The following EYS variants were observed in gnomAD, a reference collection of about 807,000 sequenced individuals.
EYS encodes the protein EGF-like photoreceptor maintenance factor.
EYS carries 250 observed loss-of-function variants against 282.1 expected under a neutral mutation model. That is an observed-to-expected ratio of 0.89 (90% CI 0.80 to 0.98). The LOEUF (loss-of-function observed/expected upper bound fraction) is 0.98, where lower values mean the gene tolerates loss of function less well. EYS is among the 50% of genes least tolerant of loss of function. EYS has a pLI of 0.00. For synonymous variants in EYS, 1,355 were observed against 1,282.9 expected (o/e 1.06, Z -1.20); for missense variants, 4,016 against 3,709.0 (o/e 1.08, Z -2.15).
At chr6:65,257,762 A>G (rs1455061333) in intron 12 of EYS, among the ~76,000 whole-genome samples, 1 of 152,004 alleles carries the variant, frequency 6.6e-6, no homozygotes, top group Non-Finnish European at 1.5e-5. Context: ...CAAACTTCAC[A>G]TGTTCTCACT....
intron 33 of EYS, among the ~76,000 whole-genome samples, chr6:64,010,781 T>C (rs998664869): frequency 3.9e-5 from 6 of 152,098 alleles, no homozygotes; most frequent in Admixed American, 6.5e-5. Context: ...CGCTAAAAGG[T>C]ATTTGGTAGT....
chr6:64,000,413 G>C (rs973795359), intron 33 of EYS, among the ~76,000 whole-genome samples: 2 of 149,664 alleles, frequency 1.3e-5, no homozygotes, highest in South Asian at 2.1e-4. Context: ...GGATGGTCTC[G>C]ATCTCCTGAC....
intron 14 of EYS, among the ~76,000 whole-genome samples, chr6:64,948,424 T>G (rs1769366357): frequency 6.7e-6 from 1 of 148,358 alleles, no homozygotes; most frequent in African/African-American, 2.4e-5. Context: ...GTGGCCAGAA[T>G]AGTATTAAAT....
rs149145814 is a variant in EYS, at chr6:65,231,992, G to A, written c.2023+63871C>T. Among the ~76,000 whole-genome samples the A allele has an allele frequency of 5.3e-5, 8 of 152,024 alleles. No homozygotes were observed. The East Asian group carries it at 1.5e-3, about 29-fold the overall frequency. On this transcript the variant is annotated intron_variant, in intron 12 of 42. Coordinates refer to ENST00000503581, the MANE Select transcript of EYS (RefSeq NM_001142800.2). ...TAGGCAATGCCACTATTGTGTGCAA[G>A]ACCATATCTAAGTGTTTATATTTCT... is the stretch of plus-strand genomic sequence containing the variant.
At chr6:65,663,291 T>A (rs556743424) in intron 1 of EYS, among the ~76,000 whole-genome samples, 8 of 152,304 alleles carry the variant, frequency 5.3e-5, no homozygotes, top group African/African-American at 1.9e-4. Flanking sequence ...AGAAACCAAT[T>A]CTAAGAGTAT....
intron 28 of EYS, among the ~76,000 whole-genome samples, chr6:64,420,028 G>A (rs1282800894): frequency 6.6e-6 from 1 of 151,818 alleles, no homozygotes; most frequent in African/African-American, 2.4e-5. Context: ...GCAAACTTCT[G>A]CCTAGACATC....
chr6:65,162,176 G>C (rs1308349009), intron 12 of EYS, among the ~76,000 whole-genome samples: 2 of 151,154 alleles, frequency 1.3e-5, no homozygotes, highest in Admixed American at 1.3e-4. Flanking sequence ...ACAACACTTG[G>C]TCTTTAATCT....
chr6:63,738,930 C>T (rs559761495), intron 41 of EYS, among the ~76,000 whole-genome samples: 4 of 152,084 alleles, frequency 2.6e-5, no homozygotes, highest in Admixed American at 6.6e-5. Context: ...TTTTGGAGAT[C>T]GTTGCTACAT....
At chr6:64,583,275 T>G (rs949850935) in intron 26 of EYS, among the ~76,000 whole-genome samples, 101 of 152,124 alleles carry the variant, frequency 6.6e-4, no homozygotes, top group African/African-American at 2.3e-3. Flanking sequence ...ATGAGGAGTT[T>G]GAAAACCCTG....
At chr6:63,843,254 TC>T (rs1772011485) in intron 36 of EYS, among the ~76,000 whole-genome samples, 1 of 152,208 alleles carries the variant, frequency 6.6e-6, no homozygotes, top group African/African-American at 2.4e-5. Context: ...GGAACGTTTT[TC>T]CTTTTGTTTG....
At chr6:64,149,911 G>A (rs75825991) in intron 31 of EYS, among the ~76,000 whole-genome samples, 3,794 of 152,270 alleles carry the variant, frequency 0.025, 71 homozygotes, top group Non-Finnish European at 0.038. Flanking sequence ...CTTCATGGGG[G>A]TGGAGGGTTA....
At chr6:65,242,036 T>C (rs753458348) in intron 12 of EYS, among the ~76,000 whole-genome samples, 27 of 152,136 alleles carry the variant, frequency 1.8e-4, no homozygotes, top group Non-Finnish European at 3.1e-4. Flanking sequence ...GATAAGTTTT[T>C]AAATGAACAT....
chr6:65,506,528 A>C (rs535558339), intron 2 of EYS, among the ~76,000 whole-genome samples: 1 of 121,370 alleles, frequency 8.2e-6, no homozygotes, highest in African/African-American at 3.3e-5. Context: ...GCCAAGGCTA[A>C]AGTGCAATAG....
Position 64,813,486 on chromosome 6 carries a change from G to A in EYS, c.3335C>T (p.Ala1112Val), listed in dbSNP as rs1274231318. The change falls in exon 22 of 43, where the codon GCA becomes GTA. Residue 1112 changes from alanine to valine, a missense_variant. Coordinates refer to ENST00000503581, the MANE Select transcript of EYS (RefSeq NM_001142800.2). Reference sequence around the variant, plus strand: ...ATTATCAATGCTTTTTTCACAGTATGCACCAGTGTATCCACGTGGGCAAAT... The same window carrying A: ...ATTATCAATGCTTTTTTCACAGTATACACCAGTGTATCCACGTGGGCAAAT... ...TCICPRGYTG[A>V]YCEKSIDNCA... 2 of 1,550,498 alleles carry A rather than the reference G, an allele frequency of 1.3e-6. No homozygotes were observed. The highest frequency in any genetic ancestry group is 2.0e-5 in the Admixed American group (1 of 50,920).
At chr6:64,488,618 T>TTCTA (rs149044241) in intron 26 of EYS, among the ~76,000 whole-genome samples, 2,454 of 151,084 alleles carry the variant, frequency 0.016, 21 homozygotes, top group South Asian at 0.036. Flanking sequence ...ATAAATAACT[T>TTCTA]TAGAACAAAG....
Position 64,654,357 on chromosome 6 carries a change from A to T in EYS, c.3444-28112T>A, listed in dbSNP as rs1768672620. 1.3e-5 allele frequency among the ~76,000 whole-genome samples: 2 copies of T among 152,192 alleles called. 1 individual carries two copies. Among genetic ancestry groups the T allele is most frequent in the South Asian group, 4.1e-4 (2 of 4,838 alleles). On this transcript the variant is annotated intron_variant, in intron 22 of 42. Coordinates refer to ENST00000503581, the MANE Select transcript of EYS (RefSeq NM_001142800.2). ...ATTTAAGGATTCATTGAAATCCAAAAATTGGCTAAGAAACATGCTACTGTT... is the reference window on the plus strand; with the variant it reads ...ATTTAAGGATTCATTGAAATCCAAATATTGGCTAAGAAACATGCTACTGTT...
At chr6:64,262,274 T>C (rs1311801834) in intron 30 of EYS, among the ~76,000 whole-genome samples, 1 of 151,842 alleles carries the variant, frequency 6.6e-6, no homozygotes, top group Non-Finnish European at 1.5e-5. Context: ...CATTTGCTAG[T>C]TTTGGTAAAC....
chr6:63,946,383 A>G (rs1026881709), intron 35 of EYS, among the ~76,000 whole-genome samples: 2 of 152,182 alleles, frequency 1.3e-5, no homozygotes, highest in Non-Finnish European at 2.9e-5. Flanking sequence ...TTCTTTATAG[A>G]GTTTTATTTC....
rs528763892 is a variant in EYS, at chr6:65,084,761, T to C, written c.2024-27034A>G. ...TGTCTCACTATCTCAGTGAGTGTTA[T>C]GAAAGTTTAAAAATATTCTTGAAAT... On this transcript the variant is annotated intron_variant, in intron 12 of 42. Coordinates refer to ENST00000503581, the MANE Select transcript of EYS (RefSeq NM_001142800.2). 1.8e-3 allele frequency among the ~76,000 whole-genome samples: 273 copies of C among 152,278 alleles called. 3 individuals are homozygous for C. The highest frequency in any genetic ancestry group is 6.3e-3 in the African/African-American group (260 of 41,582).
Sources: allele counts gnomAD v4.1 joint callset (sites outside exome capture counted in the v4.1 genomes callset), GRCh38; gene constraint gnomAD v4.1.1; transcripts MANE v1.5; gene names NCBI Gene and HGNC (gene_info 2026-07-23, HGNC 2026-07-21).